The following ITPRID2 variants were observed in gnomAD, a reference collection of about 807,000 sequenced individuals.
ITPRID2 encodes ITPR interacting domain containing 2, also known as protein ITPRID2.
Under a neutral mutation model 124.3 loss-of-function variants are expected in ITPRID2, and 60 were observed. The ratio of observed to expected loss-of-function variants is 0.48; its 90% CI spans 0.39 to 0.60. The LOEUF (loss-of-function observed/expected upper bound fraction) is 0.60, where lower values mean the gene tolerates loss of function less well. ITPRID2 is among the 20% of genes least tolerant of loss of function. The pLI, the probability that ITPRID2 is intolerant of heterozygous loss-of-function variation, is 0.00. For synonymous variants in ITPRID2, 521 were observed against 542.9 expected (o/e 0.96, Z 0.56); for missense variants, 1,553 against 1,512.2 (o/e 1.03, Z -0.45).
intron 16 of ITPRID2, among the ~76,000 whole-genome samples, chr2:181,926,957 A>G (rs1394567701): frequency 6.6e-6 from 1 of 152,188 alleles, no homozygotes; most frequent in Non-Finnish European, 1.5e-5. Flanking sequence ...TTGAAAAGTA[A>G]ATCTGAAGTG....
At chr2:181,903,395 G>T (rs749690339) in intron 8 of ITPRID2, among the ~76,000 whole-genome samples, 3 of 152,154 alleles carry the variant, frequency 2.0e-5, no homozygotes, top group Admixed American at 2.0e-4. Context: ...CATTAGATGC[G>T]TTTTAGTAAT....
chr2:181,914,482 C>T (rs1033875937), intron 10 of ITPRID2, among the ~76,000 whole-genome samples: 1 of 151,968 alleles, frequency 6.6e-6, no homozygotes, highest in African/African-American at 2.4e-5. Context: ...GAGAAAACTC[C>T]CAAAGAGCCT....
In ITPRID2 at chr2:181,919,744, T is replaced by C. The variant is rs1254905067; in HGVS notation, c.3144+298T>C. Among the ~76,000 whole-genome samples the C allele has an allele frequency of 6.6e-6, 1 of 152,074 alleles. No individual in the cohort carries two copies. The highest frequency in any genetic ancestry group is 1.5e-5 in the Non-Finnish European group (1 of 67,984). On this transcript the variant is annotated intron_variant, in intron 14 of 17. Coordinates refer to ENST00000431877, the MANE Select transcript of ITPRID2 (RefSeq NM_001130445.3). The surrounding 1 kb of genome is among the most constrained non-coding windows in gnomAD (Gnocchi z 4.2). ...GGAAAAATGCTAGTGAATTAACATA[T>C]GACTAATGTAAATTTTAATTGTTGC...
intron 8 of ITPRID2, among the ~76,000 whole-genome samples, chr2:181,903,654 G>A (rs1161248334): frequency 6.6e-6 from 1 of 152,088 alleles, no homozygotes; most frequent in Non-Finnish European, 1.5e-5. Flanking sequence ...AGTAGGAGCA[G>A]CACCTTGGAA....
chr2:181,910,718 G>A lies in ITPRID2; in HGVS notation c.1486+747G>A, dbSNP rs1313651432. Reference sequence around the variant, plus strand: ...GATTCGTATGTATGTTCCTAGAATAGGAAATTACATGTTTGTTGTCTCCTG... The same window carrying A: ...GATTCGTATGTATGTTCCTAGAATAAGAAATTACATGTTTGTTGTCTCCTG... On this transcript the variant is annotated intron_variant, in intron 9 of 17. Transcript: ENST00000431877. This position sits in a 1 kb window ranked among gnomAD's most constrained non-coding sequence, Gnocchi z 4.1. 2.0e-5 allele frequency: 12 copies of A among 606,774 alleles called. No individual in the cohort carries two copies. The highest frequency in any genetic ancestry group is 3.6e-5 in the Non-Finnish European group (12 of 335,740). The allele number at this position is 606,774 out of a possible 1,614,324, so 37.6% of individuals were successfully genotyped here. A position where few individuals can be genotyped will look rare whatever the true frequency, so the allele number is the denominator to read the frequency against.
At position 181,902,323 on chromosome 2, in the gene ITPRID2, T is replaced by C. The variant is rs36052371; in HGVS notation, c.1270T>C (p.Ser424Pro). The C allele has an allele frequency of 8.1e-6, 13 of 1,613,824 alleles. No individual in the cohort carries two copies. In the African/African-American group the frequency reaches 1.5e-4, roughly 18 times the overall value. The change falls in exon 8 of 18, where the codon TCC (serine) becomes CCC (proline). Residue 424 changes from serine (S) to proline (P), a missense_variant. By Grantham distance (74) the Ser-to-Pro change is moderately conservative (BLOSUM62 -1). Transcript: ENST00000431877. This position sits in a 1 kb window ranked among gnomAD's most constrained non-coding sequence, Gnocchi z 4.4. ...CAAATTAGATAGTGATTTCAACATA[T>C]CCAGCCACAGTGAGCTGGAAAATAG... ...ESKLDSDFNI[S>P]SHSELENSSE...
rs1694046782 is a variant in ITPRID2 at position 181,916,330 on chromosome 2, C to T, written c.2690C>T (p.Pro897Leu). 1.2e-6 allele frequency: 2 copies of T among 1,614,112 alleles called. No individual in the cohort carries two copies. The highest frequency in any genetic ancestry group is 1.7e-6 in the Non-Finnish European group (2 of 1,180,052). The change falls in exon 11 of 18, where the codon CCT becomes CTT. Residue 897 changes from proline to leucine, a missense_variant. By Grantham distance (98) the Pro-to-Leu change is moderately conservative (BLOSUM62 -3). Coordinates refer to ENST00000431877, the MANE Select transcript of ITPRID2 (RefSeq NM_001130445.3). ...TACTCACATAGACATGCCACCTACC[C>T]TTACCGAGTGTGCTCTGTGAATCCT... ...CPYSHRHATY[P>L]YRVCSVNPPS...
In ITPRID2 at chr2:181,892,975, A is replaced by C; in HGVS notation, c.257+315A>C. On this transcript the variant is annotated intron_variant, in intron 2 of 17. Transcript: ENST00000431877. This position sits in a 1 kb window ranked among gnomAD's most constrained non-coding sequence, Gnocchi z 5.2. ...TGTTTTTATTTGAAAGAATTCTCAC[A>C]TCTCGAACAGGATATTTTGTTTTGC... 1 of 454,014 alleles carries C rather than the reference A, an allele frequency of 2.2e-6. No individual in the cohort carries two copies. The allele number at this position is 454,014 out of a possible 1,614,324, so 28.1% of individuals were successfully genotyped here. A position where few individuals can be genotyped will look rare whatever the true frequency, so the allele number is the denominator to read the frequency against.
intron 16 of ITPRID2, among the ~76,000 whole-genome samples, chr2:181,925,691 T>C (rs534835611): frequency 8.5e-5 from 13 of 152,314 alleles, no homozygotes; most frequent in African/African-American, 3.1e-4. Context: ...CTGAAGGAGC[T>C]CACAGTACAC....
Position 181,913,878 on chromosome 2 carries a change from A to G in ITPRID2, c.1520A>G (p.Asp507Gly). 1 of 1,613,428 alleles carries G rather than the reference A, an allele frequency of 6.2e-7. No homozygotes were observed. The highest frequency in any genetic ancestry group is 8.5e-7 in the Non-Finnish European group (1 of 1,179,732). ...TTACGTACTGCAAGTCAGCATTCCG[A>G]TAGCAGTGGTTTTGCTGAAGATTCT... Reference protein sequence around the residue: ...HLLRTASQHSDSSGFAEDSTD... With the variant: ...HLLRTASQHSGSSGFAEDSTD... Residue 507 changes from aspartate (D) to glycine (G), a missense_variant, in exon 10 of 18, where the codon GAT becomes GGT. Physicochemically the swap from Asp to Gly is moderately conservative, Grantham distance 94 (BLOSUM62 -1). Coordinates refer to ENST00000431877, the MANE Select transcript of ITPRID2 (RefSeq NM_001130445.3).
intron 9 of ITPRID2, among the ~76,000 whole-genome samples, chr2:181,912,506 G>T (rs556888058): frequency 2.2e-4 from 33 of 152,232 alleles, no homozygotes; most frequent in African/African-American, 7.5e-4. Context: ...TTTTTAATGG[G>T]AAAAATGTAT....
At position 181,899,003 on chromosome 2, in the gene ITPRID2, T is replaced by G. The variant is rs1558981074; in HGVS notation, c.405-11T>G. 2 of 1,604,928 alleles carry G rather than the reference T, an allele frequency of 1.2e-6. No individual in the cohort carries two copies. Among genetic ancestry groups the G allele is most frequent in the African/African-American group, 2.7e-5 (2 of 74,424 alleles). ...GTTATAAAGTTTTATATAATCTGAT[T>G]TTGTTCGTAGCAATAATATCTTGGC... On this transcript the variant is annotated splice_polypyrimidine_tract_variant and intron_variant, in intron 5 of 17. Coordinates refer to ENST00000431877, the MANE Select transcript of ITPRID2 (RefSeq NM_001130445.3).
At chr2:181,901,434 A>G in intron 7 of ITPRID2, among the ~76,000 whole-genome samples, 1 of 152,242 alleles carries the variant, frequency 6.6e-6, no homozygotes, top group Admixed American at 6.5e-5. Flanking sequence ...GAATTTTGAA[A>G]GAGTCTTAAT....
At position 181,929,764 on chromosome 2, in the gene ITPRID2, A is replaced by T; in HGVS notation, c.*217A>T. Reference sequence around the variant, plus strand: ...TGCTATTTCTTTTCTAAACTATCAAAAACTCTAGCAGTTTGAAAAGCCTAA... The same window carrying T: ...TGCTATTTCTTTTCTAAACTATCAATAACTCTAGCAGTTTGAAAAGCCTAA... On this transcript the variant is annotated 3_prime_UTR_variant, in exon 18 of 18. Transcript: ENST00000431877. 1 of 625,292 alleles carries T rather than the reference A, an allele frequency of 1.6e-6. No individual in the cohort carries two copies. The highest frequency in any genetic ancestry group is 2.6e-6 in the Non-Finnish European group (1 of 386,890). The allele number at this position is 625,292 out of a possible 1,614,324, so 38.7% of individuals were successfully genotyped here. A position where few individuals can be genotyped will look rare whatever the true frequency, so the allele number is the denominator to read the frequency against.
chr2:181,921,521 CAT>C (rs1294165846), intron 15 of ITPRID2, among the ~76,000 whole-genome samples: 1 of 152,060 alleles, frequency 6.6e-6, no homozygotes, highest in Non-Finnish European at 1.5e-5. Flanking sequence ...TTTCAGGAGA[CAT>C]GTGCTTTCAC....
Position 181,916,311 on chromosome 2 carries a change from C to G in ITPRID2, c.2671C>G (p.His891Asp). The G allele has an allele frequency of 6.2e-7, 1 of 1,614,242 alleles. No homozygotes were observed. Among genetic ancestry groups the G allele is most frequent in the Non-Finnish European group, 8.5e-7 (1 of 1,180,040 alleles). The change falls in exon 11 of 18, where the codon CAT becomes GAT. Residue 891 changes from histidine (H) to aspartate (D), a missense_variant. By Grantham distance (81) the His-to-Asp change is moderately conservative (BLOSUM62 -1). Coordinates refer to ENST00000431877, the MANE Select transcript of ITPRID2 (RefSeq NM_001130445.3). ...FASPFGCPYS[H>D]RHATYPYRVC... is the part of the protein sequence containing the mutation. Reference sequence around the variant, plus strand: ...TTCCCCTTTCGGGTGTCCTTACTCACATAGACATGCCACCTACCCTTACCG... The same window carrying G: ...TTCCCCTTTCGGGTGTCCTTACTCAGATAGACATGCCACCTACCCTTACCG...
Position 181,892,830 on chromosome 2 carries a change from C to A in ITPRID2, c.257+170C>A. On this transcript the variant is annotated intron_variant, in intron 2 of 17. Transcript: ENST00000431877. This position sits in a 1 kb window ranked among gnomAD's most constrained non-coding sequence, Gnocchi z 5.2. ...CTCTAAGCGATTAGAAATGGAAGTG[C>A]TGTGACCGCTGATTATTTGGTGACC... 1.4e-6 allele frequency: 1 copy of A among 690,668 alleles called. No individual in the cohort carries two copies. The highest frequency in any genetic ancestry group is 2.7e-5 in the East Asian group (1 of 36,716). The allele number at this position is 690,668 out of a possible 1,614,324, so 42.8% of individuals were successfully genotyped here. A position where few individuals can be genotyped will look rare whatever the true frequency, so the allele number is the denominator to read the frequency against.
In ITPRID2 at chr2:181,892,567, C is replaced by T. The variant is rs538772535; in HGVS notation, c.212-48C>T. On this transcript the variant is annotated intron_variant, in intron 1 of 17. Transcript: ENST00000431877. The surrounding 1 kb of genome is among the most constrained non-coding windows in gnomAD (Gnocchi z 5.2). ...GGAGGGTCCAGGGTGACTCCGCCGT[C>T]GTAGTGCTCCTGGGTGGTAACGTGC... The T allele has an allele frequency of 7.0e-5, 113 of 1,612,098 alleles. 2 individuals carry two copies. The South Asian group carries it at 1.2e-3, about 17-fold the overall frequency.
intron 15 of ITPRID2, 28 bp downstream of exon 15, chr2:181,920,690 G>C (rs769065232): frequency 2.6e-6 from 4 of 1,551,934 alleles, no homozygotes; most frequent in Non-Finnish European, 2.7e-6. Context: ...TAAATCACTG[G>C]GGAAGGGAAT....
Sources: allele counts gnomAD v4.1 joint callset (sites outside exome capture counted in the v4.1 genomes callset), GRCh38; gene constraint gnomAD v4.1.1; non-coding constraint Gnocchi (gnomAD v3.1); transcripts MANE v1.5; gene names NCBI Gene and HGNC (gene_info 2026-07-23, HGNC 2026-07-21).